The following RGS6 variants were observed in gnomAD, a reference collection of about 807,000 sequenced individuals.
RGS6 encodes regulator of G protein signaling 6, also known as regulator of G-protein signaling 6.
Under a neutral mutation model 78.5 loss-of-function variants are expected in RGS6, and 30 were observed. The ratio of observed to expected loss-of-function variants is 0.38; its 90% confidence interval spans 0.29 to 0.52. The LOEUF (loss-of-function observed/expected upper bound fraction) is 0.52, where lower values mean the gene tolerates loss of function less well. Among genes scored for constraint, RGS6 ranks in the 20% least tolerant of loss-of-function variants. RGS6 has a pLI of 0.85. For missense variants in RGS6, 495 were observed against 609.7 expected (o/e 0.81, Z 1.98); for synonymous variants, 206 against 206.0 (o/e 1.00, Z 0.00).
intron 1 of RGS6, among the ~76,000 whole-genome samples, chr14:71,936,019 T>TATATATATATATATATATAC (rs2089156225): frequency 1.7e-5 from 2 of 120,344 alleles, no homozygotes; most frequent in Admixed American, 8.4e-5. Context: ...TAATAGGATA[T>TATATATATATATATATATAC]ATATATATAT....
chr14:72,127,444 G>C (rs1044318463), intron 2 of RGS6, among the ~76,000 whole-genome samples: 1 of 151,838 alleles, frequency 6.6e-6, no homozygotes, highest in Non-Finnish European at 1.5e-5. Context: ...CTCAAACTAT[G>C]GTTTGAAAAA....
chr14:72,130,085 C>A (rs78636328), intron 2 of RGS6, among the ~76,000 whole-genome samples: 1 of 152,118 alleles, frequency 6.6e-6, no homozygotes, highest in Non-Finnish European at 1.5e-5. Flanking sequence ...GGGAGAACCC[C>A]CAGGTTTGGC....
intron 2 of RGS6, among the ~76,000 whole-genome samples, chr14:72,194,830 G>A (rs1000603741): frequency 1.3e-5 from 2 of 152,184 alleles, no homozygotes; most frequent in Admixed American, 6.5e-5. Flanking sequence ...ACCAAGGTGG[G>A]TGTTCTTAAA....
chr14:72,468,896 C>G (rs2095998567), intron 7 of RGS6, among the ~76,000 whole-genome samples: 1 of 152,140 alleles, frequency 6.6e-6, no homozygotes, highest in South Asian at 2.1e-4. Flanking sequence ...ATGTGTGGTA[C>G]TCTCCAACTG....
intron 2 of RGS6, among the ~76,000 whole-genome samples, chr14:71,982,590 C>G (rs1160530684): frequency 3.3e-5 from 5 of 152,194 alleles, no homozygotes; most frequent in Admixed American, 1.3e-4. Context: ...GGTGCCCCTC[C>G]TCCTTGGAGG....
In RGS6 at chr14:72,495,178, T is replaced by G. The variant is rs931717895; in HGVS notation, c.881T>G (p.Val294Gly). The G allele has an allele frequency of 2.5e-6, 4 of 1,613,246 alleles. No individual in the cohort carries two copies. Among genetic ancestry groups the G allele is most frequent in the Non-Finnish European group, 3.4e-6 (4 of 1,179,230 alleles). The change falls in exon 13 of 18, where the codon GTG becomes GGG. Residue 294 changes from valine to glycine, a missense_variant. Coordinates refer to ENST00000553525, the MANE Select transcript of RGS6 (RefSeq NM_001204424.2). ...TTAATTGCCTACACGGAACAATATG[T>G]GGAATATGACCCTTTGATAACACCA... is the stretch of plus-strand genomic sequence containing the variant. Reference protein sequence around the residue: ...ESLIAYTEQYVEYDPLITPAE... With the variant: ...ESLIAYTEQYGEYDPLITPAE...
chr14:71,872,358 G>A, the RGS6 span, among the ~76,000 whole-genome samples: 11,234 of 151,586 alleles, frequency 0.074, 846 homozygotes, highest in East Asian at 0.21. Context: ...GTGGCATGGC[G>A]GGACTCTGAT....
At chr14:72,401,067 T>C (rs1316052455) in intron 3 of RGS6, among the ~76,000 whole-genome samples, 1 of 152,242 alleles carries the variant, frequency 6.6e-6, no homozygotes, top group East Asian at 1.9e-4. Flanking sequence ...ACTATTTTGA[T>C]GCTATAATTC....
chr14:72,390,859 G>A (rs547892669), intron 3 of RGS6, among the ~76,000 whole-genome samples: 1 of 152,278 alleles, frequency 6.6e-6, no homozygotes, highest in Admixed American at 6.5e-5. Flanking sequence ...GCTAAAGCCA[G>A]GTTTTCTGGC....
the RGS6 span, among the ~76,000 whole-genome samples, chr14:72,605,339 T>G: frequency 6.6e-6 from 1 of 152,190 alleles, no homozygotes; most frequent in Non-Finnish European, 1.5e-5. Flanking sequence ...CACAGAGGCT[T>G]GGAGATGGCA....
chr14:71,925,056 C>T, the RGS6 span, among the ~76,000 whole-genome samples: 1 of 152,222 alleles, frequency 6.6e-6, no homozygotes, highest in East Asian at 1.9e-4. Flanking sequence ...ACCCTTTTTT[C>T]CACCTCCTTG....
chr14:72,048,129 A>C (rs1313239551), intron 2 of RGS6, among the ~76,000 whole-genome samples: 2 of 152,128 alleles, frequency 1.3e-5, no homozygotes, highest in Non-Finnish European at 2.9e-5. Flanking sequence ...GACGTTTCCT[A>C]TGCAGTTATA....
At chr14:72,133,651 T>A (rs1288479603) in intron 2 of RGS6, among the ~76,000 whole-genome samples, 2 of 152,132 alleles carry the variant, frequency 1.3e-5, no homozygotes, top group African/African-American at 4.8e-5. Context: ...GAAGATACTA[T>A]GTCAGAGAAT....
chr14:71,951,587 G>A (rs184403307), intron 1 of RGS6, among the ~76,000 whole-genome samples: 84 of 152,180 alleles, frequency 5.5e-4, no homozygotes, highest in African/African-American at 1.7e-3. Flanking sequence ...AAAAAGAATA[G>A]CTTCATTATT....
intron 17 of RGS6, among the ~76,000 whole-genome samples, chr14:72,542,809 G>A (rs2097343944): frequency 6.6e-6 from 1 of 151,442 alleles, no homozygotes; most frequent in South Asian, 2.1e-4. Context: ...AAAACAAATT[G>A]TTCTTTCCAA....
intron 3 of RGS6, among the ~76,000 whole-genome samples, chr14:72,400,583 A>G (rs942189480): frequency 2.6e-5 from 4 of 152,250 alleles, no homozygotes; most frequent in Admixed American, 2.6e-4. Flanking sequence ...TAATAGAAAG[A>G]AAAAATAAAT....
chr14:72,340,872 G>T (rs1439775183), intron 2 of RGS6, among the ~76,000 whole-genome samples: 1 of 152,138 alleles, frequency 6.6e-6, no homozygotes, highest in Non-Finnish European at 1.5e-5. Context: ...GATGAGAACT[G>T]AATCTTCCCT....
At chr14:72,227,546 T>A (rs1010243871) in intron 2 of RGS6, among the ~76,000 whole-genome samples, 33 of 152,224 alleles carry the variant, frequency 2.2e-4, no homozygotes, top group African/African-American at 7.7e-4. Context: ...TTGAGGCCCC[T>A]TCCCAATGCC....
In RGS6 at chr14:72,190,819, G is replaced by T. The variant is rs559265452; in HGVS notation, c.85-161276G>T. Among the ~76,000 whole-genome samples the T allele has an allele frequency of 2.6e-5, 4 of 152,280 alleles. No homozygotes were observed. In the South Asian group the frequency reaches 8.3e-4, roughly 32 times the overall value. ...ACAGTGTTAACATGCAGAAATTCCT[G>T]ATTGTACCTCTTTTCCAGCTGTTCA... On this transcript the variant is annotated intron_variant, in intron 2 of 17. Transcript: ENST00000553525.
Sources: gnomAD v4.1 joint callset for allele counts (sites outside exome capture counted in the v4.1 genomes callset) on GRCh38, gnomAD v4.1.1 for gene constraint, MANE v1.5 for transcripts, NCBI Gene and HGNC (gene_info 2026-07-23, HGNC 2026-07-21) for gene names.